Variants in LRBA observed in about 807,000 individuals in gnomAD.
The protein encoded by LRBA is LPS responsive beige-like anchor protein.
In LRBA, 176 loss-of-function variants were observed where a neutral mutation model predicts 330.0. The ratio of observed to expected loss-of-function variants is 0.53; its 90% CI spans 0.47 to 0.60. LRBA has a LOEUF of 0.60. Among genes scored for constraint, LRBA ranks in the 20% least tolerant of loss-of-function variants. The probability of loss-of-function intolerance (pLI) is 0.00; values close to 1 mark genes in which losing one functional copy is unlikely to be tolerated. For synonymous variants in LRBA, 1,230 were observed against 1,193.0 expected (o/e 1.03, Z -0.64); for missense variants, 3,259 against 3,444.8 (o/e 0.95, Z 1.35).
intron 44 of LRBA, among the ~76,000 whole-genome samples, chr4:150,460,550 AAAACAAAACG>A (rs1181809801): frequency 2.6e-5 from 4 of 151,954 alleles, no homozygotes; most frequent in Non-Finnish European, 5.9e-5. Flanking sequence ...CATAGGTTTA[AAAACAAAACG>A]AAACAAAACA....
chr4:150,535,884 A>G (rs1764605425), intron 40 of LRBA, among the ~76,000 whole-genome samples: 1 of 152,172 alleles, frequency 6.6e-6, no homozygotes, highest in Non-Finnish European at 1.5e-5. Flanking sequence ...GAACTTCGAC[A>G]TGACTAATGG....
chr4:150,373,537 G>T (rs1581142600), intron 47 of LRBA, among the ~76,000 whole-genome samples: 1 of 152,014 alleles, frequency 6.6e-6, no homozygotes, highest in Non-Finnish European at 1.5e-5. Flanking sequence ...CTACATATGG[G>T]CTGCCATAAT....
chr4:150,866,489 C>T (rs898745616), intron 22 of LRBA, among the ~76,000 whole-genome samples: 6 of 152,078 alleles, frequency 3.9e-5, no homozygotes, highest in South Asian at 2.1e-4. Flanking sequence ...AGCCATACCA[C>T]GTGATTAGGT....
chr4:150,724,595 A>C (rs555371239), intron 36 of LRBA, among the ~76,000 whole-genome samples: 3 of 152,142 alleles, frequency 2.0e-5, no homozygotes, highest in Non-Finnish European at 4.4e-5. Flanking sequence ...AGGCACCAGG[A>C]ACCAATTCTG....
intron 40 of LRBA, among the ~76,000 whole-genome samples, chr4:150,539,885 T>C (rs908677122): frequency 2.6e-5 from 4 of 152,242 alleles, no homozygotes; most frequent in Admixed American, 6.5e-5. Context: ...GAATATCTTT[T>C]AGAGTATCAG....
At chr4:150,519,830 T>C (rs1190796267) in intron 40 of LRBA, among the ~76,000 whole-genome samples, 6 of 152,174 alleles carry the variant, frequency 3.9e-5, no homozygotes, top group Non-Finnish European at 8.8e-5. Context: ...TGATAGGAGT[T>C]CCAGTTCCTA....
chr4:150,648,166 A>AAAAAAAAAAAAAAAAAAAAAC (rs1561468366), intron 37 of LRBA, among the ~76,000 whole-genome samples: 1 of 142,572 alleles, frequency 7.0e-6, no homozygotes, highest in African/African-American at 2.5e-5. Context: ...AGCAAAAAAA[A>AAAAAAAAAAAAAAAAAAAAAC]AAAAAAAAAA....
rs1055557673 is a variant in LRBA, at chr4:150,435,717, T to C, written c.6922-9A>G. ...TAAGTTGTAAAGGGTTCCTAAAAAA[T>C]AGCAATTAAAAAAATCCATATGTTC... On this transcript the variant is annotated splice_polypyrimidine_tract_variant and intron_variant, in intron 45 of 56. Coordinates refer to ENST00000651943, the MANE Select transcript of LRBA (RefSeq NM_001364905.1). 3.1e-6 allele frequency: 5 copies of C among 1,589,500 alleles called. No homozygotes were observed. The highest frequency in any genetic ancestry group is 4.3e-6 in the Non-Finnish European group (5 of 1,172,208).
At chr4:150,954,017 T>C (rs1421966861) in intron 2 of LRBA, among the ~76,000 whole-genome samples, 8 of 21,762 alleles carry the variant, frequency 3.7e-4, no homozygotes, top group African/African-American at 9.7e-4. Context: ...GGCCACCCCG[T>C]CTGAGAAGTG....
chr4:150,601,067 G>A (rs1054890820), intron 37 of LRBA, among the ~76,000 whole-genome samples: 5 of 152,184 alleles, frequency 3.3e-5, no homozygotes, highest in African/African-American at 1.2e-4. Context: ...CTCCTACAAA[G>A]CCTATTTCAG....
intron 48 of LRBA, among the ~76,000 whole-genome samples, chr4:150,338,256 CT>C (rs1188428017): frequency 6.6e-6 from 1 of 152,094 alleles, no homozygotes; most frequent in Non-Finnish European, 1.5e-5. Flanking sequence ...CGGCTCTCCC[CT>C]CTCCCCTATT....
At chr4:150,997,125 T>C (rs1742743124) in intron 2 of LRBA, among the ~76,000 whole-genome samples, 1 of 152,200 alleles carries the variant, frequency 6.6e-6, no homozygotes, top group Non-Finnish European at 1.5e-5. Flanking sequence ...CTTAAATAAC[T>C]TGACGTGACT....
intron 8 of LRBA, among the ~76,000 whole-genome samples, chr4:150,915,358 AC>A (rs968057136): frequency 5.3e-5 from 8 of 152,060 alleles, no homozygotes; most frequent in Admixed American, 4.6e-4. Context: ...TGAACCAATG[AC>A]CCACTCCCCA....
At chr4:150,319,234 A>C (rs932710243) in intron 50 of LRBA, among the ~76,000 whole-genome samples, 7 of 152,172 alleles carry the variant, frequency 4.6e-5, no homozygotes, top group African/African-American at 7.2e-5. Flanking sequence ...GGGGCAGAGT[A>C]CAGTCAGGGC....
At chr4:150,504,567 C>T (rs1474027516) in intron 40 of LRBA, among the ~76,000 whole-genome samples, 2 of 152,196 alleles carry the variant, frequency 1.3e-5, no homozygotes, top group Non-Finnish European at 2.9e-5. Context: ...ACCACCAGGC[C>T]TGCCCTAAAG....
intron 36 of LRBA, among the ~76,000 whole-genome samples, chr4:150,697,341 A>AAAAAC (rs1784734202): frequency 2.0e-5 from 3 of 148,160 alleles, no homozygotes; most frequent in African/African-American, 4.9e-5. Flanking sequence ...AAAAAAAAAA[A>AAAAAC]AAAAAAAAAA....
At chr4:150,726,468 T>C (rs1444588843) in intron 36 of LRBA, among the ~76,000 whole-genome samples, 1 of 152,194 alleles carries the variant, frequency 6.6e-6, no homozygotes, top group East Asian at 1.9e-4. Context: ...AAATATGCAC[T>C]GTATTAGTCC....
At chr4:150,800,590 A>G (rs1475535374) in intron 33 of LRBA, among the ~76,000 whole-genome samples, 1 of 152,192 alleles carries the variant, frequency 6.6e-6, no homozygotes, top group African/African-American at 2.4e-5. Flanking sequence ...AAGAACATCC[A>G]AAGGAAGGCC....
chr4:150,911,401 C>G (rs1489796145), intron 9 of LRBA, among the ~76,000 whole-genome samples: 1 of 151,410 alleles, frequency 6.6e-6, no homozygotes, highest in Non-Finnish European at 1.5e-5. Flanking sequence ...TTTTTTAAAT[C>G]AAGAAAGAGT....
Sources: allele counts gnomAD v4.1 joint callset (sites outside exome capture counted in the v4.1 genomes callset), GRCh38; gene constraint gnomAD v4.1.1; transcripts MANE v1.5; gene names NCBI Gene and HGNC (gene_info 2026-07-23, HGNC 2026-07-21).